SVEP1: variants seen among roughly 807,000 people sequenced by gnomAD.
SVEP1 encodes sushi, von Willebrand factor type A, EGF and pentraxin domain-containing protein 1.
Under a neutral mutation model 367.3 loss-of-function variants are expected in SVEP1, and 164 were observed. The ratio of observed to expected loss-of-function variants is 0.45; its 90% CI spans 0.39 to 0.51. SVEP1 has a LOEUF of 0.51. SVEP1 is among the 20% of genes least tolerant of loss of function. The pLI is 0.00. For missense variants in SVEP1, 4,117 were observed against 4,425.3 expected (o/e 0.93, Z 1.98); for synonymous variants, 1,666 against 1,611.6 (o/e 1.03, Z -0.81).
At chr9:110,449,031 C>T (rs370877117) in intron 24 of SVEP1, among the ~76,000 whole-genome samples, 20 of 152,220 alleles carry the variant, frequency 1.3e-4, no homozygotes, top group African/African-American at 4.8e-4. Flanking sequence ...CTTATAAAAC[C>T]AGCAGCATCT....
intron 5 of SVEP1, among the ~76,000 whole-genome samples, chr9:110,508,082 C>T (rs1829652215): frequency 6.6e-6 from 1 of 152,228 alleles, no homozygotes; most frequent in South Asian, 2.1e-4. Flanking sequence ...GTACACACTT[C>T]TTAAAGAATT....
At chr9:110,436,074 A>G (rs1317329402) in intron 28 of SVEP1, among the ~76,000 whole-genome samples, 1 of 151,894 alleles carries the variant, frequency 6.6e-6, no homozygotes, top group Non-Finnish European at 1.5e-5. Context: ...ATTATTCTTT[A>G]TGATTTTCTC....
At chr9:110,457,066 A>G (rs1828786547) in intron 21 of SVEP1, among the ~76,000 whole-genome samples, 190 bp downstream of exon 21, 1 of 152,194 alleles carries the variant, frequency 6.6e-6, no homozygotes, top group Non-Finnish European at 1.5e-5. Flanking sequence ...AAAATAGGCA[A>G]AGAAAACTGT....
chr9:110,369,929 C>G lies in SVEP1; in HGVS notation c.10688G>C (p.Cys3563Ser). The G allele has an allele frequency of 4.3e-6, 7 of 1,611,326 alleles. No individual in the cohort carries two copies. The highest frequency in any genetic ancestry group is 5.9e-6 in the Non-Finnish European group (7 of 1,178,644). The change falls in exon 47 of 48, where the codon TGT becomes TCT. Residue 3563 changes from cysteine (C) to serine (S), a missense_variant. By Grantham distance (112) the Cys-to-Ser change is moderately radical. Transcript: ENST00000374469. The stretch of plus-strand genomic sequence containing the variant: ...TAGTTTTTGGTTATCTTACCTGGAA[C>G]AGTTATGTCCCGTCCAAGAAGAAAG... ...HCLSSWTGHN[C>S]SRKRRTGF
intron 1 of SVEP1, among the ~76,000 whole-genome samples, chr9:110,551,874 C>G (rs534884042): frequency 2.0e-5 from 3 of 152,092 alleles, no homozygotes; most frequent in Non-Finnish European, 4.4e-5. Context: ...ACACCCCTAA[C>G]TCTGTCACAG....
chr9:110,522,209 G>C (rs992977061), intron 3 of SVEP1, among the ~76,000 whole-genome samples: 1 of 152,122 alleles, frequency 6.6e-6, no homozygotes, highest in African/African-American at 2.4e-5. Context: ...ACCTAGATTA[G>C]ATCCATCCCT....
At chr9:110,556,900 T>C (rs967120880) in intron 1 of SVEP1, among the ~76,000 whole-genome samples, 4 of 152,218 alleles carry the variant, frequency 2.6e-5, no homozygotes, top group African/African-American at 4.8e-5. Context: ...ATGACAGCTA[T>C]TCTCCAAGGG....
At chr9:110,390,714 G>C (rs527613799) in intron 40 of SVEP1, among the ~76,000 whole-genome samples, 43 of 151,964 alleles carry the variant, frequency 2.8e-4, no homozygotes, top group African/African-American at 1.0e-3. Flanking sequence ...ATCACCAAGG[G>C]AACTCTGAAA....
chr9:110,448,465 A>G (rs1383614357), intron 24 of SVEP1, among the ~76,000 whole-genome samples: 1 of 152,214 alleles, frequency 6.6e-6, no homozygotes, highest in Non-Finnish European at 1.5e-5. Flanking sequence ...TGTTTGGAGG[A>G]TGTAAACAAA....
chr9:110,496,012 C>T (rs527897824), intron 8 of SVEP1, among the ~76,000 whole-genome samples: 51 of 152,196 alleles, frequency 3.4e-4, no homozygotes, highest in African/African-American at 1.1e-3. Flanking sequence ...AAGAATTCTT[C>T]GTCAAGTAAT....
intron 16 of SVEP1, among the ~76,000 whole-genome samples, chr9:110,470,765 T>C (rs1422367202): frequency 1.3e-5 from 2 of 148,954 alleles, no homozygotes; most frequent in Admixed American, 1.3e-4. Context: ...TATATATATA[T>C]AGAAAAATAA....
intron 15 of SVEP1, among the ~76,000 whole-genome samples, 194 bp downstream of exon 15, chr9:110,471,965 C>T (rs1042616388): frequency 2.0e-5 from 3 of 152,086 alleles, no homozygotes; most frequent in Admixed American, 1.3e-4. Flanking sequence ...GGGTGCTTTT[C>T]GCCGTGAGAC....
Position 110,419,374 on chromosome 9 carries a change from A to G in SVEP1, c.5976-7639T>C, listed in dbSNP as rs1195732641. ...AAGATCAAAAGAGACAAAGAAGGCCATTACATAATGATAAAGGGATCAATT... is the reference window on the plus strand; with the variant it reads ...AAGATCAAAAGAGACAAAGAAGGCCGTTACATAATGATAAAGGGATCAATT... On this transcript the variant is annotated intron_variant, in intron 36 of 47. Transcript: ENST00000374469. Among the ~76,000 whole-genome samples, 2 of 7,806 alleles carry G rather than the reference A, an allele frequency of 2.6e-4. 1 individual carries two copies. Among genetic ancestry groups the G allele is most frequent in the Non-Finnish European group, 4.3e-4 (2 of 4,700 alleles). The allele number at this position is 7,806 out of a possible 152,430, so 5.1% of individuals were successfully genotyped here.
intron 9 of SVEP1, among the ~76,000 whole-genome samples, chr9:110,488,231 G>C (rs187729534): frequency 2.6e-5 from 4 of 152,294 alleles, no homozygotes; most frequent in Non-Finnish European, 1.5e-5. Context: ...TTAGGTTTAG[G>C]TGAGTTTGAA....
intron 40 of SVEP1, among the ~76,000 whole-genome samples, chr9:110,398,284 G>A (rs111233669): frequency 1.2e-3 from 184 of 152,278 alleles, no homozygotes; most frequent in African/African-American, 4.2e-3. Flanking sequence ...AAACTGGCTA[G>A]CCATATGTAG....
At chr9:110,416,452 A>G (rs551000474) in intron 36 of SVEP1, among the ~76,000 whole-genome samples, 2 of 152,040 alleles carry the variant, frequency 1.3e-5, no homozygotes, top group Non-Finnish European at 2.9e-5. Flanking sequence ...ATATGAGGAA[A>G]TTATCCAAAT....
intron 36 of SVEP1, among the ~76,000 whole-genome samples, chr9:110,416,980 G>T (rs187125481): frequency 6.6e-6 from 1 of 152,128 alleles, no homozygotes; most frequent in African/African-American, 2.4e-5. Context: ...AGATGTCCTT[G>T]GAGGGCAATA....
chr9:110,484,951 T>G (rs1428049866), intron 9 of SVEP1, among the ~76,000 whole-genome samples: 1 of 152,234 alleles, frequency 6.6e-6, no homozygotes, highest in Admixed American at 6.5e-5. Context: ...CTAACAAGGC[T>G]GTGAAGAAAT....
chr9:110,454,780 G>A (rs1828751605), intron 22 of SVEP1, among the ~76,000 whole-genome samples: 1 of 152,076 alleles, frequency 6.6e-6, no homozygotes, highest in Admixed American at 6.6e-5. Context: ...AATAAAAATA[G>A]GAACAATAGA....
Sources: gnomAD v4.1 joint callset for allele counts (sites outside exome capture counted in the v4.1 genomes callset) on GRCh38, gnomAD v4.1.1 for gene constraint, MANE v1.5 for transcripts, NCBI Gene and HGNC (gene_info 2026-07-23, HGNC 2026-07-21) for gene names.